The following CDH11 variants were observed in gnomAD, a reference collection of about 807,000 sequenced individuals.
CDH11 encodes the protein cadherin-11.
A neutral mutation model predicts 67.8 loss-of-function variants in CDH11; 11 were observed. The ratio of observed to expected loss-of-function variants is 0.16; its 90% CI spans 0.10 to 0.27. CDH11 has a LOEUF of 0.27. Ranked by LOEUF, CDH11 falls within the 10% of genes least tolerant of loss-of-function variation. The pLI, the probability that CDH11 is intolerant of heterozygous loss-of-function variation, is 1.00. For missense variants in CDH11, 847 were observed against 1,031.2 expected (o/e 0.82, Z 2.45); for synonymous variants, 419 against 400.0 (o/e 1.05, Z -0.57).
In CDH11 at chr16:65,026,175, A is replaced by G. The variant is rs28475052; in HGVS notation, c.-172-21134T>C. 7.0e-4 allele frequency among the ~76,000 whole-genome samples: 107 copies of G among 152,206 alleles called. No individual in the cohort carries two copies. The Middle Eastern group carries it at 0.014, about 19-fold the overall frequency. On this transcript the variant is annotated intron_variant, in intron 2 of 12. Transcript: ENST00000268603. ...TGGGCATGCCTTTTACTGAGTTACC[A>G]TCTACTAATTAGCTTTTTTAATTGA...
At chr16:65,038,644 C>T (rs901225907) in intron 2 of CDH11, among the ~76,000 whole-genome samples, 1 of 152,176 alleles carries the variant, frequency 6.6e-6, no homozygotes, top group Non-Finnish European at 1.5e-5. Flanking sequence ...TCGTTTCACT[C>T]GGAAATTCCT....
chr16:64,950,342 T>A (rs575737606), intron 12 of CDH11, among the ~76,000 whole-genome samples: 1 of 152,154 alleles, frequency 6.6e-6, no homozygotes, highest in Non-Finnish European at 1.5e-5. Flanking sequence ...TTTTGCTCCT[T>A]CTTATGGGCC....
intron 8 of CDH11, among the ~76,000 whole-genome samples, chr16:64,976,581 C>G (rs1415566442): frequency 6.6e-6 from 1 of 152,126 alleles, no homozygotes; most frequent in Non-Finnish European, 1.5e-5. Context: ...GAGGCCTTGC[C>G]TGATGGCTCA....
rs919029610 is a variant in CDH11, at chr16:64,946,173, C to T, written c.*1430G>A. On this transcript the variant is annotated 3_prime_UTR_variant, in exon 13 of 13. Coordinates refer to ENST00000268603, the MANE Select transcript of CDH11 (RefSeq NM_001797.4). ...CTTTTTTAAATGAATCGCCCATTCT[C>T]ATTAAAACATAAAATGCCACATCAT... The T allele has an allele frequency of 4.8e-6, 5 of 1,052,200 alleles. No individual in the cohort carries two copies. In the African/African-American group the frequency reaches 6.6e-5, roughly 14 times the overall value. The allele number at this position is 1,052,200 out of a possible 1,614,324, so 65.2% of individuals were successfully genotyped here.
At chr16:65,036,967 C>T (rs992667597) in intron 2 of CDH11, among the ~76,000 whole-genome samples, 1 of 152,106 alleles carries the variant, frequency 6.6e-6, no homozygotes, top group African/African-American at 2.4e-5. Context: ...CAAGAACTTT[C>T]GATGAGAAAG....
At chr16:65,002,726 T>C (rs907500941) in intron 3 of CDH11, among the ~76,000 whole-genome samples, 2 of 152,126 alleles carry the variant, frequency 1.3e-5, no homozygotes, top group African/African-American at 2.4e-5. Flanking sequence ...TTCGTAGAAA[T>C]CAGTAGGGTT....
intron 8 of CDH11, chr16:64,981,110 T>A: frequency 6.9e-6 from 1 of 145,218 alleles, no homozygotes; most frequent in African/African-American, 2.8e-5. Flanking sequence ...TTTTTTTTTT[T>A]TTTTTTTTTT....
At chr16:64,993,789 T>C (rs1801495201) in intron 4 of CDH11, among the ~76,000 whole-genome samples, 1 of 152,096 alleles carries the variant, frequency 6.6e-6, no homozygotes, top group South Asian at 2.1e-4. Context: ...ATCTGGGGCA[T>C]GGCATGTTGG....
intron 1 of CDH11, among the ~76,000 whole-genome samples, chr16:65,082,590 T>C (rs1216241728): frequency 1.3e-5 from 2 of 152,216 alleles, no homozygotes; most frequent in African/African-American, 2.4e-5. Flanking sequence ...AAAAGAACTG[T>C]CTGGGAGGAA....
intron 8 of CDH11, among the ~76,000 whole-genome samples, chr16:64,973,979 T>C (rs907973033): frequency 1.3e-5 from 2 of 152,188 alleles, no homozygotes; most frequent in African/African-American, 4.8e-5. Context: ...GACTCCAGGC[T>C]GTGCAAAACA....
chr16:65,090,300 AG>A (rs2074772600), intron 1 of CDH11, among the ~76,000 whole-genome samples: 1 of 152,288 alleles, frequency 6.6e-6, no homozygotes, highest in African/African-American at 2.4e-5. Flanking sequence ...GAATGTATAC[AG>A]AAGAATGTCA....
Position 64,971,699 on chromosome 16 carries a change from G to GA in CDH11, c.1525-4dup. On this transcript the variant is annotated splice_region_variant and splice_polypyrimidine_tract_variant and intron_variant, in intron 10 of 12. Coordinates refer to ENST00000268603, the MANE Select transcript of CDH11 (RefSeq NM_001797.4). ...TCTGCACTAATTGTAACAATTGGCT[G>GA]AAAGAGAAAGGTGGCCCATAAATAA... is the stretch of plus-strand genomic sequence containing the variant. The GA allele has an allele frequency of 6.3e-7, 1 of 1,589,640 alleles. No homozygotes were observed. The highest frequency in any genetic ancestry group is 1.7e-5 in the Admixed American group (1 of 59,616).
intron 11 of CDH11, among the ~76,000 whole-genome samples, chr16:64,952,515 C>T (rs1011403353): frequency 4.6e-5 from 7 of 152,160 alleles, no homozygotes. Flanking sequence ...GTAGCCTCTG[C>T]CCCCAAAATA....
intron 2 of CDH11, among the ~76,000 whole-genome samples, chr16:65,029,275 T>G (rs1371581907): frequency 1.3e-5 from 2 of 151,916 alleles, no homozygotes; most frequent in East Asian, 3.9e-4. Flanking sequence ...TAGAGAAAAC[T>G]CAAAGTGAAA....
chr16:65,007,058 G>A (rs987395095), intron 2 of CDH11: 23 of 152,176 alleles, frequency 1.5e-4, no homozygotes, highest in African/African-American at 4.3e-4. Flanking sequence ...TCCAAGATGC[G>A]AATTGAGAAC....
intron 11 of CDH11, among the ~76,000 whole-genome samples, chr16:64,967,235 G>GTTTT (rs1361479585): frequency 6.6e-6 from 1 of 152,038 alleles, no homozygotes; most frequent in Non-Finnish European, 1.5e-5. Context: ...TTGTTTGTTT[G>GTTTT]TTTGTTGCAC....
intron 1 of CDH11, among the ~76,000 whole-genome samples, chr16:65,071,149 G>A (rs2074408538): frequency 6.6e-6 from 1 of 152,210 alleles, no homozygotes; most frequent in African/African-American, 2.4e-5. Flanking sequence ...AGCAGAAAAT[G>A]TGAGAACCTA....
At chr16:65,062,676 T>A (rs1252697908) in intron 1 of CDH11, among the ~76,000 whole-genome samples, 1 of 152,224 alleles carries the variant, frequency 6.6e-6, no homozygotes, top group Non-Finnish European at 1.5e-5. Flanking sequence ...AAACTCTGCT[T>A]GTCTATAAAC....
intron 5 of CDH11, among the ~76,000 whole-genome samples, chr16:64,992,569 C>T (rs867692738): frequency 1.3e-5 from 2 of 152,166 alleles, no homozygotes; most frequent in Non-Finnish European, 2.9e-5. Flanking sequence ...CCTTTGGAAG[C>T]TTTTTCTCTC....
Sources: allele counts gnomAD v4.1 joint callset (sites outside exome capture counted in the v4.1 genomes callset), GRCh38; gene constraint gnomAD v4.1.1; transcripts MANE v1.5; gene names NCBI Gene and HGNC (gene_info 2026-07-23, HGNC 2026-07-21).